Variants in VWF observed in about 807,000 individuals in gnomAD.
The protein encoded by VWF is Factor VIII related antigen.
A neutral mutation model predicts 308.6 loss-of-function variants in VWF; 176 were observed. That is an observed-to-expected ratio of 0.57 (90% CI 0.50 to 0.65). The LOEUF is 0.65. Ranked by LOEUF, VWF falls within the 30% of genes least tolerant of loss-of-function variation. The pLI, the probability that VWF is intolerant of heterozygous loss-of-function variation, is 0.00. For missense variants in VWF, 3,146 were observed against 3,648.2 expected, an observed-to-expected ratio of 0.86 and a Z score of 3.55; for synonymous variants, 1,385 against 1,443.4, an observed-to-expected ratio of 0.96 and a Z score of 0.92.
intron 44 of VWF, among the ~76,000 whole-genome samples, chr12:5,970,002 T>C (rs1943452668): frequency 6.6e-6 from 1 of 152,192 alleles, no homozygotes; most frequent in Admixed American, 6.5e-5. Context: ...CACCCAGATA[T>C]GTAACTAGGT....
intron 51 of VWF, 124 bp downstream of exon 51, chr12:5,949,662 C>A: frequency 9.6e-7 from 1 of 1,036,294 alleles, no homozygotes. Flanking sequence ...AAAATGCTTC[C>A]AGTTTATTTC....
At chr12:6,082,254 C>G (rs556861013) in intron 6 of VWF, among the ~76,000 whole-genome samples, 2 of 152,126 alleles carry the variant, frequency 1.3e-5, no homozygotes, top group South Asian at 2.1e-4. Context: ...CGTGAGCCAC[C>G]GCGCCTGGCC....
rs1441686513 is a variant in VWF, at chr12:5,965,845, A to T, written c.7887+1641T>A. 3.3e-5 allele frequency among the ~76,000 whole-genome samples: 5 copies of T among 152,204 alleles called. No homozygotes were observed. The East Asian group carries it at 9.6e-4, about 29-fold the overall frequency. ...GGATTCAGCAAGGCTTGAGAGATGC[A>T]TAGAGGGAGGGCGAATCTAAGGGAT... is the stretch of plus-strand genomic sequence containing the variant. On this transcript the variant is annotated intron_variant, in intron 47 of 51. Coordinates refer to ENST00000261405, the MANE Select transcript of VWF (RefSeq NM_000552.5).
At chr12:6,012,980 C>T (rs374160652) in intron 32 of VWF, among the ~76,000 whole-genome samples, 173 of 152,232 alleles carry the variant, frequency 1.1e-3, no homozygotes, top group East Asian at 9.3e-3. Flanking sequence ...GGATTACAGA[C>T]GTGAGCCACT....
chr12:5,962,301 C>T (rs764844109), intron 47 of VWF, among the ~76,000 whole-genome samples: 1 of 152,044 alleles, frequency 6.6e-6, no homozygotes, highest in Non-Finnish European at 1.5e-5. Flanking sequence ...ATCCGGCACA[C>T]TTTAAACATT....
chr12:5,953,798 C>G (rs1189002919), intron 47 of VWF: 1 of 605,758 alleles, frequency 1.7e-6, no homozygotes, highest in Non-Finnish European at 3.0e-6. Context: ...GCACATCTCA[C>G]TCAAGTTGTA....
chr12:6,093,078 T>C (rs56344853), intron 6 of VWF, among the ~76,000 whole-genome samples: 17,880 of 151,936 alleles, frequency 0.12, 1,550 homozygotes, highest in African/African-American at 0.24. Context: ...TAAGAAAAGC[T>C]CTCCTCTCTA....
At chr12:5,965,680 T>C (rs992107637) in intron 47 of VWF, among the ~76,000 whole-genome samples, 1 of 152,042 alleles carries the variant, frequency 6.6e-6, no homozygotes, top group Non-Finnish European at 1.5e-5. Context: ...CAGCCCAACG[T>C]GGGCAGTTCA....
chr12:6,113,986 G>A (rs1945338430), intron 3 of VWF, among the ~76,000 whole-genome samples: 1 of 152,220 alleles, frequency 6.6e-6, no homozygotes, highest in Non-Finnish European at 1.5e-5. Context: ...TGGGCTCAGG[G>A]GTCTGTGTCC....
In VWF at chr12:6,110,392, C is replaced by T. The variant is rs766305860; in HGVS notation, c.514G>A (p.Asp172Asn). The T allele has an allele frequency of 1.9e-6, 3 of 1,614,156 alleles. No individual in the cohort carries two copies. The highest frequency in any genetic ancestry group is 2.5e-6 in the Non-Finnish European group (3 of 1,180,028). ...CGNFNIFAEDDFMTQEGTLTS... is the reference protein window; with the variant it reads ...CGNFNIFAEDNFMTQEGTLTS... ...ATCTTACCTTCTTGGGTCATAAAGT[C>T]ATCTTCAGCAAAGATGTTAAAGTTG... The change falls in exon 5 of 52, where the codon GAC becomes AAC. Residue 172 changes from aspartate (D) to asparagine (N), a missense_variant. Around this residue, in one of 3 missense-constraint regions of VWF, gnomAD observed 1,304 missense variants for 1,353.0 expected, o/e 0.96. Coordinates refer to ENST00000261405, the MANE Select transcript of VWF (RefSeq NM_000552.5).
At chr12:6,115,529 C>T (rs1412127430) in intron 3 of VWF, among the ~76,000 whole-genome samples, 1 of 152,200 alleles carries the variant, frequency 6.6e-6, no homozygotes, top group Non-Finnish European at 1.5e-5. Context: ...GTGCCATGCA[C>T]TCTGATATTT....
chr12:5,967,739 G>A, intron 46 of VWF, 137 bp from the exon 47 acceptor site: 1 of 823,496 alleles, frequency 1.2e-6, no homozygotes, highest in Non-Finnish European at 2.1e-6. Flanking sequence ...TGTCTCCTAT[G>A]GCCCACTGCC....
chr12:6,104,961 T>C (rs1945225131), intron 5 of VWF, among the ~76,000 whole-genome samples: 3 of 152,108 alleles, frequency 2.0e-5, no homozygotes, highest in Admixed American at 6.6e-5. Flanking sequence ...ATGGGTGGGA[T>C]TGGAGGTCAT....
In VWF at chr12:5,985,605, G is replaced by A. The variant is rs61750625; in HGVS notation, c.6859C>T (p.Arg2287Trp). 769 of 1,614,122 alleles carry A rather than the reference G, an allele frequency of 4.8e-4. 3 individuals are homozygous for A. In the African/African-American group the frequency reaches 8.9e-3, roughly 19 times the overall value. Residue 2287 changes from arginine (R) to tryptophan (W), a missense_variant, in exon 39 of 52, where the codon CGG (arginine) becomes TGG (tryptophan). Physicochemically the swap from Arg to Trp is moderately radical, Grantham distance 101 (BLOSUM62 -3). Around this residue, in one of 3 missense-constraint regions of VWF, gnomAD observed 989 missense variants for 1,117.4 expected, o/e 0.89. Transcript: ENST00000261405. Reference protein sequence around the residue: ...PCQICTCLSGRKVNCTTQPCP... With the variant: ...PCQICTCLSGWKVNCTTQPCP... ...GGCTGCGTTGTGCAGTTGACCTTCC[G>A]CCCGCTGAGGCATGTGCAGATCTGA...
chr12:6,044,435 G>C lies in VWF; in HGVS notation c.2298C>G (p.Ser766=), dbSNP rs760819654. 3.1e-6 allele frequency: 5 copies of C among 1,614,164 alleles called. No homozygotes were observed. Among genetic ancestry groups the C allele is most frequent in the Non-Finnish European group, 3.4e-6 (4 of 1,180,036 alleles). Residue 766 remains serine (S), a synonymous_variant, in exon 18 of 52, where the codon TCC becomes TCG. Transcript: ENST00000261405. ...PLSHRSKRSL[S]CRPPMVKLVC... is the part of the protein sequence containing the mutation. The stretch of plus-strand genomic sequence containing the variant: ...CCAGCTTGACCATGGGGGGCCGACA[G>C]GATAGGCTCCTTTTGCCTCGAAGGT...
chr12:5,991,924 G>A lies in VWF; in HGVS notation c.6693C>T (p.Pro2231=), dbSNP rs745607861. The A allele has an allele frequency of 1.2e-6, 2 of 1,614,224 alleles. No individual in the cohort carries two copies. The highest frequency in any genetic ancestry group is 1.3e-5 in the African/African-American group (1 of 75,060). The change falls in exon 38 of 52, where the codon CCC becomes CCT. Residue 2231 remains proline (P), a synonymous_variant. Transcript: ENST00000261405. The part of the protein sequence containing the change: ...DGNVSSCGDH[P]SEGCFCPPDK... ...CTGGAGGGCAGAAACAGCCTTCGGA[G>A]GGATGGTCCCCACAGGAGCTCACGT... is the stretch of plus-strand genomic sequence containing the variant.
At chr12:6,004,234 GA>G (rs1943903674) in intron 34 of VWF, among the ~76,000 whole-genome samples, 2 of 152,086 alleles carry the variant, frequency 1.3e-5, no homozygotes, top group South Asian at 4.2e-4. Context: ...ACCACATTAT[GA>G]AAATAACAAA....
At position 5,949,832 on chromosome 12, in the gene VWF, A is replaced by G; in HGVS notation, c.8207T>C (p.Val2736Ala). The change falls in exon 51 of 52, where the codon GTG (valine) becomes GCG (alanine). Residue 2736 changes from valine to alanine, a missense_variant. Transcript: ENST00000261405. The stretch of plus-strand genomic sequence containing the variant: ...CTCTACTTCAGACTTACAGCTTCCC[A>G]CCTTGACATACTGCAGCCTGGCAGT... ...DITARLQYVK[V>A]GSCKSEVEVD... The G allele has an allele frequency of 6.2e-7, 1 of 1,614,080 alleles. No individual in the cohort carries two copies. The highest frequency in any genetic ancestry group is 8.5e-7 in the Non-Finnish European group (1 of 1,180,004).
intron 49 of VWF, chr12:5,952,172 A>C: frequency 1.4e-6 from 1 of 699,480 alleles, no homozygotes; most frequent in South Asian, 1.8e-5. Flanking sequence ...TCACACACTC[A>C]GCCTCCCTTA....
Sources: allele counts gnomAD v4.1 joint callset (sites outside exome capture counted in the v4.1 genomes callset), GRCh38; gene constraint gnomAD v4.1.1; regional missense constraint gnomAD v4.1.1; transcripts MANE v1.5; gene names NCBI Gene and HGNC (gene_info 2026-07-23, HGNC 2026-07-21).